Variants in KLHL24 observed in about 807,000 individuals in gnomAD.
The protein encoded by KLHL24 is kelch-like protein 24.
In KLHL24, 29 loss-of-function variants were observed where a neutral mutation model predicts 53.4. That is an observed-to-expected ratio of 0.54 (90% CI 0.40 to 0.74). The LOEUF (loss-of-function observed/expected upper bound fraction) is 0.74, where lower values mean the gene tolerates loss of function less well. Among genes scored for constraint, KLHL24 ranks in the 30% least tolerant of loss-of-function variants. The pLI is 0.00. For synonymous variants in KLHL24, 222 were observed against 253.7 expected, an observed-to-expected ratio of 0.88 and a Z score of 1.19; for missense variants, 504 against 744.0, an observed-to-expected ratio of 0.68 and a Z score of 3.75.
chr3:183,676,534 A>G (rs1373998754), intron 7 of KLHL24, among the ~76,000 whole-genome samples: 1 of 152,218 alleles, frequency 6.6e-6, no homozygotes, highest in African/African-American at 2.4e-5. Flanking sequence ...GCTTTTTAAA[A>G]TGCTTAGAAT....
At chr3:183,677,712 T>C (rs1463739670) in intron 7 of KLHL24, among the ~76,000 whole-genome samples, 2 of 152,174 alleles carry the variant, frequency 1.3e-5, no homozygotes, top group Non-Finnish European at 2.9e-5. Flanking sequence ...TAATTGGAAA[T>C]GGAAGAATAT....
intron 2 of KLHL24, among the ~76,000 whole-genome samples, chr3:183,643,905 A>C (rs984513798): frequency 6.6e-6 from 1 of 152,136 alleles, no homozygotes; most frequent in African/African-American, 2.4e-5. Context: ...ATTTGCAAAA[A>C]TGTTATAATG....
chr3:183,672,417 A>G lies in KLHL24; in HGVS notation c.1535A>G (p.Lys512Arg). The G allele has an allele frequency of 1.2e-6, 2 of 1,613,872 alleles. No homozygotes were observed. Among genetic ancestry groups the G allele is most frequent in the Non-Finnish European group, 1.7e-6 (2 of 1,179,878 alleles). Residue 512 changes from lysine (K) to arginine (R), a missense_variant, in exon 7 of 8, where the codon AAG becomes AGG. Coordinates refer to ENST00000242810, the MANE Select transcript of KLHL24 (RefSeq NM_017644.3). The stretch of plus-strand genomic sequence containing the variant: ...ATCTATGTTGCCGGTGGACTGACCA[A>G]GGCAATATACTGTTACGATCCAGTT... Reference protein sequence around the residue: ...NLIYVAGGLTKAIYCYDPVED... With the variant: ...NLIYVAGGLTRAIYCYDPVED...
chr3:183,641,692 A>T (rs1560147869), intron 1 of KLHL24, among the ~76,000 whole-genome samples: 1 of 152,004 alleles, frequency 6.6e-6, no homozygotes, highest in African/African-American at 2.4e-5. Context: ...GCTAGTCAGG[A>T]TGTTGTTGGT....
At chr3:183,653,965 A>G (rs1718498702) in intron 3 of KLHL24, among the ~76,000 whole-genome samples, 1 of 152,160 alleles carries the variant, frequency 6.6e-6, no homozygotes, top group Non-Finnish European at 1.5e-5. Flanking sequence ...TTATTTGTAC[A>G]GGTTCTCATC....
rs769048883 is a variant in KLHL24 at position 183,671,122 on chromosome 3, C to T, written c.1313C>T (p.Ala438Val). 6.2e-6 allele frequency: 10 copies of T among 1,613,940 alleles called. No homozygotes were observed. The highest frequency in any genetic ancestry group is 1.6e-4 in the Middle Eastern group (1 of 6,084). Residue 438 changes from alanine to valine, a missense_variant, in exon 6 of 8, where the codon GCT (alanine) becomes GTT (valine). By Grantham distance (64) the Ala-to-Val change is moderately conservative. Transcript: ENST00000242810. ...TTTTCAAATCGATGGACTGAAGTTG[C>T]TCCCCTTAAGGAAGCCGTGAGTTCT... Reference protein sequence around the residue: ...DSFSNRWTEVAPLKEAVSSPA... With the variant: ...DSFSNRWTEVVPLKEAVSSPA...
intron 7 of KLHL24, among the ~76,000 whole-genome samples, chr3:183,677,940 C>T (rs1466710866): frequency 2.0e-5 from 3 of 152,018 alleles, no homozygotes; most frequent in African/African-American, 7.2e-5. Context: ...TACAAGCACC[C>T]CCCACCACGT....
chr3:183,662,410 A>ATTTG (rs59117702), intron 3 of KLHL24, among the ~76,000 whole-genome samples: 1 of 151,878 alleles, frequency 6.6e-6, no homozygotes, highest in Non-Finnish European at 1.5e-5. Flanking sequence ...TCCCCTCTAT[A>ATTTG]AGTAAGAGAA....
intron 2 of KLHL24, chr3:183,644,306 C>T (rs1716922825): frequency 6.6e-6 from 1 of 152,110 alleles, no homozygotes; most frequent in South Asian, 2.1e-4. Flanking sequence ...CCAAAAGATA[C>T]ATTCTGAATG....
chr3:183,677,384 G>A (rs942208689), intron 7 of KLHL24, among the ~76,000 whole-genome samples: 8 of 152,042 alleles, frequency 5.3e-5, no homozygotes, highest in Admixed American at 3.3e-4. Flanking sequence ...TCCATAATTG[G>A]TGCAATTCAT....
rs1717958254 is a variant in KLHL24 at position 183,650,367 on chromosome 3, T to C, written c.11T>C (p.Ile4Thr). 1 of 1,612,410 alleles carries C rather than the reference T, an allele frequency of 6.2e-7. No individual in the cohort carries two copies. Among genetic ancestry groups the C allele is most frequent in the South Asian group, 1.1e-5 (1 of 90,960 alleles). The change falls in exon 3 of 8, where the codon ATA (isoleucine) becomes ACA (threonine). Residue 4 changes from isoleucine to threonine, a missense_variant. By Grantham distance (89) the Ile-to-Thr change is moderately conservative (BLOSUM62 -1). Coordinates refer to ENST00000242810, the MANE Select transcript of KLHL24 (RefSeq NM_017644.3). The surrounding 1 kb of genome is among the most constrained non-coding windows in gnomAD (Gnocchi z 4.5). ...TCAACTGATGTAACAATGGTACTAA[T>C]ATTGGGACGCAGACTAAACAGAGAG... MVL[I>T]LGRRLNREDL...
intron 3 of KLHL24, among the ~76,000 whole-genome samples, chr3:183,656,937 G>A (rs928887135): frequency 4.0e-5 from 6 of 150,540 alleles, no homozygotes; most frequent in Non-Finnish European, 7.4e-5. Context: ...AAAAATAAGC[G>A]TAACAATCTG....
rs1712688428 is a variant in KLHL24 at position 183,681,672 on chromosome 3, TTACCCA to T, written c.*2387_*2392del. 1 of 152,292 alleles carries T rather than the reference TTACCCA, an allele frequency of 6.6e-6. No individual in the cohort carries two copies. The highest frequency in any genetic ancestry group is 1.5e-5 in the Non-Finnish European group (1 of 67,880). The allele number at this position is 152,292 out of a possible 1,614,324, so 9.4% of individuals were successfully genotyped here. ...AAAATTTAAATAACTATTTTTAAAG[TTACCCA>T]ACTTAATATTTTAATTTTTTAATAT... On this transcript the variant is annotated 3_prime_UTR_variant, in exon 8 of 8. Transcript: ENST00000242810.
chr3:183,637,865 G>A (rs1470356927), intron 1 of KLHL24, among the ~76,000 whole-genome samples: 1 of 152,176 alleles, frequency 6.6e-6, no homozygotes, highest in African/African-American at 2.4e-5. Context: ...CACCATGTTG[G>A]CCAGGCTAGT....
intron 5 of KLHL24, among the ~76,000 whole-genome samples, chr3:183,666,133 G>T (rs943123770): frequency 1.3e-5 from 2 of 152,054 alleles, no homozygotes; most frequent in African/African-American, 2.4e-5. Context: ...CTCCCACCTC[G>T]GCCTCCCAGA....
intron 7 of KLHL24, among the ~76,000 whole-genome samples, chr3:183,675,649 C>T (rs191592083): frequency 1.3e-5 from 2 of 152,008 alleles, no homozygotes; most frequent in African/African-American, 4.8e-5. Context: ...AATTACTGCT[C>T]AAGCTGGGTG....
intron 1 of KLHL24, among the ~76,000 whole-genome samples, chr3:183,642,602 C>CAAAAAAA (rs377410456): frequency 1.1e-5 from 1 of 92,982 alleles, no homozygotes; most frequent in African/African-American, 3.3e-5. Flanking sequence ...CCCCTTCCAC[C>CAAAAAAA]AAAAAAAAAA....
chr3:183,650,824 C>T lies in KLHL24; in HGVS notation c.468C>T (p.Ala156=). The change falls in exon 3 of 8, where the codon GCC becomes GCT. Residue 156 remains alanine, a synonymous_variant. Transcript: ENST00000242810. The surrounding 1 kb of genome is among the most constrained non-coding windows in gnomAD (Gnocchi z 4.5). ...FQISVLRDAC[A]KFLEEQLDPC... Reference sequence around the variant, plus strand: ...TTAGTGTTCTCCGTGATGCATGTGCCAAGTTCTTGGAGGAGCAACTTGATC... The same window carrying T: ...TTAGTGTTCTCCGTGATGCATGTGCTAAGTTCTTGGAGGAGCAACTTGATC... The T allele has an allele frequency of 6.2e-7, 1 of 1,614,036 alleles. No homozygotes were observed. The highest frequency in any genetic ancestry group is 8.5e-7 in the Non-Finnish European group (1 of 1,180,012).
At chr3:183,642,138 A>C (rs1166222900) in intron 1 of KLHL24, among the ~76,000 whole-genome samples, 1 of 152,248 alleles carries the variant, frequency 6.6e-6, no homozygotes, top group African/African-American at 2.4e-5. Flanking sequence ...AGTATTTGCC[A>C]GCCAGTGACA....
Sources: allele counts gnomAD v4.1 joint callset (sites outside exome capture counted in the v4.1 genomes callset), GRCh38; gene constraint gnomAD v4.1.1; non-coding constraint Gnocchi (gnomAD v3.1); transcripts MANE v1.5; gene names NCBI Gene and HGNC (gene_info 2026-07-23, HGNC 2026-07-21).